The following RBFOX1 variants were observed in gnomAD, a reference collection of about 807,000 sequenced individuals.
The protein encoded by RBFOX1 is RNA binding fox-1 homolog 1.
A neutral mutation model predicts 57.7 loss-of-function variants in RBFOX1; 8 were observed. The observed-to-expected ratio is 0.14, with a 90% CI of 0.08 to 0.25. RBFOX1 has a LOEUF of 0.25. RBFOX1 is among the 10% of genes least tolerant of loss of function. RBFOX1 has a pLI of 1.00. For missense variants in RBFOX1, 611 were observed against 548.5 expected (o/e 1.11, Z -1.14); for synonymous variants, 326 against 222.4 (o/e 1.47, Z -4.15).
chr16:6,881,072 T>C (rs991508525), intron 3 of RBFOX1, among the ~76,000 whole-genome samples: 1 of 152,218 alleles, frequency 6.6e-6, no homozygotes, highest in Non-Finnish European at 1.5e-5. Context: ...TAATCAATCA[T>C]GGCACTTTTA....
chr16:5,300,238 A>G (rs571456470), intron 1 of RBFOX1, among the ~76,000 whole-genome samples: 80 of 152,284 alleles, frequency 5.3e-4, no homozygotes, highest in African/African-American at 1.9e-3. Flanking sequence ...ATTAACTTTC[A>G]TGAAGGGTAT....
At chr16:7,318,796 T>A (rs1338964661) in intron 4 of RBFOX1, among the ~76,000 whole-genome samples, 1 of 152,126 alleles carries the variant, frequency 6.6e-6, no homozygotes, top group Non-Finnish European at 1.5e-5. Context: ...CCCCCATCTC[T>A]CCATGTGTTC....
chr16:6,920,058 C>T (rs139632975), intron 3 of RBFOX1, among the ~76,000 whole-genome samples: 93 of 152,266 alleles, frequency 6.1e-4, no homozygotes, highest in Non-Finnish European at 9.9e-4. Context: ...TCCTGAGTTA[C>T]TTCACTTAGA....
intron 3 of RBFOX1, among the ~76,000 whole-genome samples, chr16:7,050,335 AGCTCACT>A (rs34630082): frequency 0.53 from 79,177 of 149,456 alleles, 22,896 homozygotes; most frequent in South Asian, 0.75. Flanking sequence ...GTGGGAACTC[AGCTCACT>A]GCAACCTCTG....
intron 4 of RBFOX1, among the ~76,000 whole-genome samples, chr16:5,907,296 C>A (rs984600785): frequency 6.6e-6 from 1 of 151,906 alleles, no homozygotes; most frequent in Non-Finnish European, 1.5e-5. Context: ...TCTGTGCATG[C>A]CCCTGGACCA....
At chr16:7,564,991 A>C (rs2091328188) in intron 5 of RBFOX1, among the ~76,000 whole-genome samples, 1 of 152,144 alleles carries the variant, frequency 6.6e-6, no homozygotes. Flanking sequence ...GCTCGAAATG[A>C]GGCATTAACT....
intron 1 of RBFOX1, among the ~76,000 whole-genome samples, chr16:6,310,901 TAAA>T (rs200121160): frequency 7.8e-5 from 11 of 140,562 alleles, no homozygotes; most frequent in African/African-American, 1.0e-4. Flanking sequence ...ACCAGTGGTT[TAAA>T]AAAAAAAAAA....
chr16:5,345,635 G>T (rs150775885), intron 1 of RBFOX1, among the ~76,000 whole-genome samples: 1 of 152,184 alleles, frequency 6.6e-6, no homozygotes, highest in Non-Finnish European at 1.5e-5. Flanking sequence ...GGCCGTGCTC[G>T]TTGGGCTTCT....
In RBFOX1 at chr16:5,502,485, A is replaced by G. The variant is rs115662974; in HGVS notation, c.258+35231A>G. Among the ~76,000 whole-genome samples the G allele has an allele frequency of 5.4e-3, 825 of 152,236 alleles. 10 individuals carry two copies. The highest frequency in any genetic ancestry group is 0.018 in the African/African-American group (768 of 41,548). On this transcript the variant is annotated intron_variant, in intron 2 of 2. Transcript: ENST00000585867. ...CCGGCCCCTAGTGTCCCTGTTCTGG[A>G]AGCCCCCTGCTCTGCTTCTCTGGGT...
At chr16:6,527,195 C>A (rs1004618124) in intron 2 of RBFOX1, among the ~76,000 whole-genome samples, 1 of 152,188 alleles carries the variant, frequency 6.6e-6, no homozygotes, top group Non-Finnish European at 1.5e-5. Flanking sequence ...AGTCTCCTAT[C>A]TACCTATGAT....
At chr16:6,695,598 C>T (rs10492839) in intron 3 of RBFOX1, among the ~76,000 whole-genome samples, 11,354 of 151,836 alleles carry the variant, frequency 0.075, 543 homozygotes, top group African/African-American at 0.14. Context: ...TGAGCACTCT[C>T]AATATATTTT....
chr16:7,229,494 G>A (rs1219761620), intron 4 of RBFOX1, among the ~76,000 whole-genome samples: 5 of 151,162 alleles, frequency 3.3e-5, no homozygotes, highest in Admixed American at 6.6e-5. Flanking sequence ...TTATGGGAAG[G>A]CAGGAAGGAA....
At chr16:6,816,708 C>A (rs373279671) in intron 3 of RBFOX1, among the ~76,000 whole-genome samples, 1 of 145,748 alleles carries the variant, frequency 6.9e-6, no homozygotes, top group South Asian at 2.2e-4. Context: ...CCACTGCACT[C>A]CAGCCTGGGT....
chr16:5,416,047 C>G (rs1253885590), intron 1 of RBFOX1, among the ~76,000 whole-genome samples: 1 of 152,164 alleles, frequency 6.6e-6, no homozygotes, highest in Non-Finnish European at 1.5e-5. Context: ...AGAGGTTTGA[C>G]TGTGGCTAAG....
intron 3 of RBFOX1, among the ~76,000 whole-genome samples, chr16:6,728,765 T>C (rs917223947): frequency 6.6e-6 from 1 of 152,190 alleles, no homozygotes; most frequent in African/African-American, 2.4e-5. Flanking sequence ...CTTCTGAATT[T>C]CAAAGCCATT....
intron 1 of RBFOX1, among the ~76,000 whole-genome samples, chr16:6,087,534 C>G (rs2096105725): frequency 6.6e-6 from 1 of 152,112 alleles, no homozygotes; most frequent in African/African-American, 2.4e-5. Flanking sequence ...CTTAAGATAG[C>G]ATGAGAATTT....
chr16:5,862,581 G>C (rs564027684), intron 3 of RBFOX1, among the ~76,000 whole-genome samples: 2 of 152,198 alleles, frequency 1.3e-5, no homozygotes, highest in Non-Finnish European at 2.9e-5. Flanking sequence ...GCATTGCAGA[G>C]CTGTGCAGGG....
chr16:5,456,585 TTG>T (rs1220934491), intron 1 of RBFOX1, among the ~76,000 whole-genome samples: 2 of 152,212 alleles, frequency 1.3e-5, no homozygotes, highest in Non-Finnish European at 2.9e-5. Flanking sequence ...CATCCTTGCT[TTG>T]TTCCTTTTTC....
At chr16:7,542,062 G>T (rs1311002879) in intron 5 of RBFOX1, among the ~76,000 whole-genome samples, 1 of 152,150 alleles carries the variant, frequency 6.6e-6, no homozygotes, top group South Asian at 2.1e-4. Flanking sequence ...CAGCTTTCGT[G>T]GGGGTACCTC....
Sources: gnomAD v4.1 joint callset for allele counts (sites outside exome capture counted in the v4.1 genomes callset) on GRCh38, gnomAD v4.1.1 for gene constraint, MANE v1.5 for transcripts, NCBI Gene and HGNC (gene_info 2026-07-23, HGNC 2026-07-21) for gene names.